TRDN: variants seen among roughly 807,000 people sequenced by gnomAD.
The protein encoded by TRDN is triadin, also known as triadin in skeletal muscle.
TRDN carries 161 observed loss-of-function variants against 149.7 expected under a neutral mutation model. That is an observed-to-expected ratio of 1.08 (90% CI 0.95 to 1.23). The LOEUF is 1.23. TRDN is among the 50% of genes most tolerant of loss of function. The probability of loss-of-function intolerance (pLI) is 0.00; values close to 1 mark genes in which losing one functional copy is unlikely to be tolerated. For synonymous variants in TRDN, 294 were observed against 250.5 expected (o/e 1.17, Z -1.64); for missense variants, 896 against 823.5 (o/e 1.09, Z -1.08).
At chr6:123,623,489 G>A (rs1213780045) in intron 1 of TRDN, among the ~76,000 whole-genome samples, 2 of 151,946 alleles carry the variant, frequency 1.3e-5, no homozygotes, top group Non-Finnish European at 2.9e-5. Context: ...AGGTGCTACT[G>A]GGTACTAATT....
chr6:123,543,132 A>C (rs1431005303), intron 4 of TRDN, among the ~76,000 whole-genome samples: 2 of 152,122 alleles, frequency 1.3e-5, no homozygotes, highest in Non-Finnish European at 2.9e-5. Flanking sequence ...GTATTCATTA[A>C]ATTTTTAACT....
intron 23 of TRDN, among the ~76,000 whole-genome samples, chr6:123,331,035 A>C (rs1779642028): frequency 6.6e-6 from 1 of 152,088 alleles, no homozygotes; most frequent in African/African-American, 2.4e-5. Context: ...TAGTAAGTAC[A>C]TTACTTGGTT....
At chr6:123,339,859 G>A (rs1486680708) in intron 21 of TRDN, among the ~76,000 whole-genome samples, 1 of 151,996 alleles carries the variant, frequency 6.6e-6, no homozygotes, top group African/African-American at 2.4e-5. Flanking sequence ...TTATATATTG[G>A]TAGTGATGGC....
chr6:123,361,058 T>C (rs1157200009), intron 20 of TRDN, among the ~76,000 whole-genome samples: 1 of 152,198 alleles, frequency 6.6e-6, no homozygotes, highest in Non-Finnish European at 1.5e-5. Flanking sequence ...CATGTGTCTT[T>C]ATAGTAGAAT....
intron 5 of TRDN, among the ~76,000 whole-genome samples, chr6:123,525,569 T>C (rs1198806282): frequency 1.3e-5 from 2 of 151,986 alleles, no homozygotes; most frequent in Non-Finnish European, 2.9e-5. Flanking sequence ...GAACTGAGGC[T>C]TGAAAAATTA....
intron 24 of TRDN, among the ~76,000 whole-genome samples, chr6:123,304,656 A>G (rs1778545624): frequency 6.6e-6 from 1 of 152,082 alleles, no homozygotes; most frequent in Non-Finnish European, 1.5e-5. Context: ...AGTTTATTTG[A>G]AGATTGTCTG....
At chr6:123,288,346 T>A (rs1777873591) in intron 24 of TRDN, among the ~76,000 whole-genome samples, 1 of 151,956 alleles carries the variant, frequency 6.6e-6, no homozygotes, top group African/African-American at 2.4e-5. Context: ...CAGGTAGGAC[T>A]CCAAAAGTAC....
intron 5 of TRDN, among the ~76,000 whole-genome samples, chr6:123,524,567 C>T (rs1779850962): frequency 6.6e-6 from 1 of 152,058 alleles, no homozygotes; most frequent in African/African-American, 2.4e-5. Flanking sequence ...ATTGGCCATA[C>T]ACAAACTGTG....
At chr6:123,346,845 A>G (rs1254487059) in intron 21 of TRDN, among the ~76,000 whole-genome samples, 3 of 152,084 alleles carry the variant, frequency 2.0e-5, no homozygotes, top group Non-Finnish European at 4.4e-5. Context: ...TAAAGGGCTC[A>G]GAACTCTGGG....
At position 123,571,104 on chromosome 6, in the gene TRDN, T is replaced by C. The variant is rs375486432; in HGVS notation, c.51A>G (p.Ile17Met). The C allele has an allele frequency of 6.2e-7, 1 of 1,613,822 alleles. No individual in the cohort carries two copies. Among genetic ancestry groups the C allele is most frequent in the African/African-American group, 1.3e-5 (1 of 74,904 alleles). The change falls in exon 2 of 41, where the codon ATA becomes ATG. Residue 17 changes from isoleucine (I) to methionine (M), a missense_variant. Coordinates refer to ENST00000334268, the MANE Select transcript of TRDN (RefSeq NM_006073.4). ...EGNASTTTTV[I>M]DSKNGSVPKS... ...TGGGCACAGATCCATTTTTGCTGTC[T>C]ATCACAGTTGTGGTTGTAGATGCAT...
intron 9 of TRDN, among the ~76,000 whole-genome samples, chr6:123,466,542 C>CTT (rs758370147): frequency 3.3e-5 from 5 of 151,564 alleles, no homozygotes; most frequent in Non-Finnish European, 5.9e-5. Context: ...GAAGGGTCAT[C>CTT]TATCAGGAGT....
intron 14 of TRDN, among the ~76,000 whole-genome samples, chr6:123,384,367 A>T (rs2114428812): frequency 6.6e-6 from 1 of 152,286 alleles, no homozygotes; most frequent in South Asian, 2.1e-4. Context: ...TTCCTCACTG[A>T]ACAATCTCTT....
At position 123,433,145 on chromosome 6, in the gene TRDN, T is replaced by TAC. The variant is rs1562310403; in HGVS notation, c.1051+4917_1051+4918insGT. Among the ~76,000 whole-genome samples the TAC allele has an allele frequency of 9.7e-3, 616 of 63,828 alleles. 4 individuals are homozygous for TAC. The highest frequency in any genetic ancestry group is 0.026 in the African/African-American group (593 of 22,930). The allele number at this position is 63,828 out of a possible 152,430, so 41.9% of individuals were successfully genotyped here. ...CTCCCCTTCCCCCACACATCATAAA[T>TAC]ATATATATATATATATAATATATAT... On this transcript the variant is annotated intron_variant, in intron 12 of 40. Coordinates refer to ENST00000334268, the MANE Select transcript of TRDN (RefSeq NM_006073.4).
intron 21 of TRDN, among the ~76,000 whole-genome samples, chr6:123,345,883 G>A (rs1780227360): frequency 6.6e-6 from 1 of 151,838 alleles, no homozygotes; most frequent in Non-Finnish European, 1.5e-5. Flanking sequence ...ACTGACTTTT[G>A]CATATTAACT....
chr6:123,339,049 T>G (rs186971848), intron 21 of TRDN, among the ~76,000 whole-genome samples: 1 of 152,122 alleles, frequency 6.6e-6, no homozygotes, highest in Admixed American at 6.6e-5. Context: ...TGTCTTGCTT[T>G]GTTGCCAGGC....
chr6:123,469,006 A>T (rs1378138864), intron 9 of TRDN: 2 of 152,184 alleles, frequency 1.3e-5, no homozygotes, highest in Admixed American at 6.5e-5. Flanking sequence ...AATCATTACA[A>T]ATCCCTGTGT....
intron 1 of TRDN, among the ~76,000 whole-genome samples, chr6:123,597,960 C>T (rs1784113671): frequency 2.0e-5 from 3 of 151,764 alleles, no homozygotes. Context: ...ATTATTTTTT[C>T]CTTTGAAGAT....
chr6:123,417,269 C>T (rs1773695361), intron 12 of TRDN, among the ~76,000 whole-genome samples: 1 of 152,084 alleles, frequency 6.6e-6, no homozygotes, highest in Non-Finnish European at 1.5e-5. Context: ...ATTAAGTCTA[C>T]CTTTCAGATT....
chr6:123,612,163 G>C (rs1784848933), intron 1 of TRDN, among the ~76,000 whole-genome samples: 1 of 149,200 alleles, frequency 6.7e-6, no homozygotes, highest in Admixed American at 6.8e-5. Flanking sequence ...GGCTGAGGTG[G>C]GTGTATCGCC....
Sources: gnomAD v4.1 joint callset for allele counts (sites outside exome capture counted in the v4.1 genomes callset) on GRCh38, gnomAD v4.1.1 for gene constraint, MANE v1.5 for transcripts, NCBI Gene and HGNC (gene_info 2026-07-23, HGNC 2026-07-21) for gene names.